LEO1: variants seen among roughly 807,000 people sequenced by gnomAD.
LEO1 encodes RNA polymerase-associated protein LEO1.
Under a neutral mutation model 80.4 loss-of-function variants are expected in LEO1, and 34 were observed. The ratio of observed to expected loss-of-function variants is 0.42; its 90% CI spans 0.32 to 0.56. LEO1 has a LOEUF of 0.56. Ranked by LOEUF, LEO1 falls within the 20% of genes least tolerant of loss-of-function variation. LEO1 has a pLI of 0.10. For missense variants in LEO1, 631 were observed against 814.2 expected (o/e 0.77, Z 2.74); for synonymous variants, 262 against 274.9 (o/e 0.95, Z 0.46).
chr15:51,969,222 G>C (rs1439442905), intron 1 of LEO1, among the ~76,000 whole-genome samples: 1 of 151,926 alleles, frequency 6.6e-6, no homozygotes, highest in Non-Finnish European at 1.5e-5. Flanking sequence ...GCCCCCTAAA[G>C]TGCTGGGATT....
At chr15:51,953,055 G>T in intron 8 of LEO1, 74 bp downstream of exon 8, 1 of 1,224,768 alleles carries the variant, frequency 8.2e-7, no homozygotes, top group Non-Finnish European at 1.2e-6. Flanking sequence ...CAATCAGGTG[G>T]CAGGCATTAC....
chr15:51,954,675 A>C, intron 6 of LEO1, 100 bp from the exon 7 acceptor site: 2 of 764,520 alleles, frequency 2.6e-6, no homozygotes, highest in Admixed American at 3.9e-5. Flanking sequence ...AAGCATACAG[A>C]GGTGACAGAT....
chr15:51,952,256 C>T (rs1332816861), intron 8 of LEO1: 6 of 235,972 alleles, frequency 2.5e-5, no homozygotes, highest in Non-Finnish European at 4.9e-5. Context: ...AATGGATACG[C>T]TCAAGCAACA....
intron 3 of LEO1, 72 bp downstream of exon 3, chr15:51,962,317 G>A: frequency 1.0e-6 from 1 of 994,818 alleles, no homozygotes; most frequent in Non-Finnish European, 1.5e-6. Flanking sequence ...CACACTCAGG[G>A]TTAGAAATGC....
chr15:51,969,838 TAAAAAAAAAA>T, intron 1 of LEO1, among the ~76,000 whole-genome samples: 1 of 89,976 alleles, frequency 1.1e-5, no homozygotes, highest in South Asian at 4.8e-4. Context: ...GAGACTCCGT[TAAAAAAAAAA>T]AAAAAAAAAA....
At chr15:51,970,462 C>T (rs182541528) in intron 1 of LEO1, among the ~76,000 whole-genome samples, 1 of 152,144 alleles carries the variant, frequency 6.6e-6, no homozygotes, top group Admixed American at 6.5e-5. Flanking sequence ...TGTCCATCAA[C>T]AGATAAATGG....
intron 11 of LEO1, chr15:51,946,954 C>G (rs1455046480): frequency 3.9e-6 from 1 of 253,916 alleles, no homozygotes; most frequent in Admixed American, 5.8e-5. Context: ...CTTGGATTAG[C>G]CTTGGTATGT....
At chr15:51,969,838 TAAAAA>T (rs58342384) in intron 1 of LEO1, among the ~76,000 whole-genome samples, 1 of 89,970 alleles carries the variant, frequency 1.1e-5, no homozygotes, top group South Asian at 4.8e-4. Flanking sequence ...GAGACTCCGT[TAAAAA>T]AAAAAAAAAA....
At position 51,965,924 on chromosome 15, in the gene LEO1, A is replaced by G; in HGVS notation, c.639T>C (p.Asp213=). 2 of 1,614,138 alleles carry G rather than the reference A, an allele frequency of 1.2e-6. No homozygotes were observed. The highest frequency in any genetic ancestry group is 1.7e-6 in the Non-Finnish European group (2 of 1,180,028). ...TATCAGAAGCTACCGGCCGTTCATC[A>G]TCAGAATTAGCCTTTTCCTCCTCAG... ...QLSEEEKANS[D]DERPVASDND... The change falls in exon 2 of 12, where the codon GAT becomes GAC. Residue 213 remains aspartate (D), a synonymous_variant. Coordinates refer to ENST00000299601, the MANE Select transcript of LEO1 (RefSeq NM_138792.4).
At chr15:51,938,491 G>C (rs1194113458) in intron 11 of LEO1, among the ~76,000 whole-genome samples, 1 of 152,250 alleles carries the variant, frequency 6.6e-6, no homozygotes, top group Non-Finnish European at 1.5e-5. Context: ...TGCCACAGAA[G>C]GGGCGGGGCT....
chr15:51,949,670 A>G, intron 10 of LEO1, 138 bp downstream of exon 10: 1 of 730,978 alleles, frequency 1.4e-6, no homozygotes, highest in Non-Finnish European at 2.2e-6. Flanking sequence ...ACTGCACTCC[A>G]GCCTGGGTGA....
At chr15:51,954,933 A>ATT (rs34049838) in intron 6 of LEO1, 155 of 140,532 alleles carry the variant, frequency 1.1e-3, no homozygotes, top group Middle Eastern at 3.5e-3. Context: ...TGAGGCAGAA[A>ATT]TTTTTTTTTT....
chr15:51,960,521 C>G, intron 4 of LEO1, 118 bp downstream of exon 4: 1 of 651,866 alleles, frequency 1.5e-6, no homozygotes, highest in Non-Finnish European at 2.8e-6. Flanking sequence ...GTCATCTGTT[C>G]ATGGTATTTT....
chr15:51,943,159 C>T (rs2056869964), intron 11 of LEO1, among the ~76,000 whole-genome samples: 1 of 151,918 alleles, frequency 6.6e-6, no homozygotes, highest in South Asian at 2.1e-4. Context: ...GCGGGCAGAT[C>T]ATGAGGTCAG....
At chr15:51,963,897 C>CAAAAA (rs1217618326) in intron 2 of LEO1, among the ~76,000 whole-genome samples, 1 of 57,532 alleles carries the variant, frequency 1.7e-5, no homozygotes, top group African/African-American at 7.0e-5. Context: ...GACTCTGTCT[C>CAAAAA]AAAAAAAAAA....
In LEO1 at chr15:51,958,770, T is replaced by G; in HGVS notation, c.1217A>C (p.Glu406Ala). The change falls in exon 6 of 12, where the codon GAA becomes GCA. Residue 406 changes from glutamate (E) to alanine (A), a missense_variant. Around this residue, in one of 4 missense-constraint regions of LEO1, gnomAD observed 95 missense variants for 171.7 expected, o/e 0.55. Transcript: ENST00000299601. ...TAATTTTAACCTGGTTCTACCTTCT[T>G]CATCCAGCATTTCTTCATCTTCAAA... ...DEFEDEEMLDEEGRTRLKLKV... is the reference protein window; with the variant it reads ...DEFEDEEMLDAEGRTRLKLKV... 6.3e-7 allele frequency: 1 copy of G among 1,598,904 alleles called. No homozygotes were observed. The highest frequency in any genetic ancestry group is 8.5e-7 in the Non-Finnish European group (1 of 1,171,538).
Position 51,942,355 on chromosome 15 carries a change from T to G in LEO1, c.1897-4095A>C, listed in dbSNP as rs142502020. 9.3e-3 allele frequency among the ~76,000 whole-genome samples: 1,418 copies of G among 152,216 alleles called. 11 individuals are homozygous for G. The highest frequency in any genetic ancestry group is 0.015 in the Non-Finnish European group (998 of 67,994). On this transcript the variant is annotated intron_variant, in intron 11 of 11. Coordinates refer to ENST00000299601, the MANE Select transcript of LEO1 (RefSeq NM_138792.4). ...AGGTGGCCATTCCCAAGAGGCATTTTTAAGTCAGGCAGTGTAGGTTTGCAA... is the reference window on the plus strand; with the variant it reads ...AGGTGGCCATTCCCAAGAGGCATTTGTAAGTCAGGCAGTGTAGGTTTGCAA...
At chr15:51,962,311 C>CGTGT in intron 3 of LEO1, 78 bp downstream of exon 3, 1 of 935,628 alleles carries the variant, frequency 1.1e-6, no homozygotes, top group African/African-American at 1.7e-5. Context: ...GGTAAACACA[C>CGTGT]TCAGGGTTAG....
intron 2 of LEO1, 140 bp from the exon 3 acceptor site, chr15:51,962,633 T>C (rs2057040295): frequency 3.3e-6 from 2 of 602,672 alleles, no homozygotes; most frequent in Admixed American, 3.1e-5. Flanking sequence ...TGCTGATACA[T>C]GTAACCAATT....
Sources: allele counts gnomAD v4.1 joint callset (sites outside exome capture counted in the v4.1 genomes callset), GRCh38; gene constraint gnomAD v4.1.1; regional missense constraint gnomAD v4.1.1; transcripts MANE v1.5; gene names NCBI Gene and HGNC (gene_info 2026-07-23, HGNC 2026-07-21).